NIM1K: variants seen among roughly 807,000 people sequenced by gnomAD.
The protein encoded by NIM1K is serine/threonine-protein kinase NIM1.
NIM1K carries 35 observed loss-of-function variants against 37.1 expected under a neutral mutation model. The ratio of observed to expected loss-of-function variants is 0.94; its 90% CI spans 0.72 to 1.25. The LOEUF (loss-of-function observed/expected upper bound fraction) is 1.25, where lower values mean the gene tolerates loss of function less well. NIM1K is among the 50% of genes most tolerant of loss of function. The pLI is 0.00. For synonymous variants in NIM1K, 234 were observed against 206.6 expected (o/e 1.13, Z -1.14); for missense variants, 564 against 548.0 (o/e 1.03, Z -0.29).
At chr5:43,277,425 G>C (rs771111071) in intron 3 of NIM1K, 100 bp downstream of exon 3, 31 of 1,291,182 alleles carry the variant, frequency 2.4e-5, no homozygotes, top group Non-Finnish European at 3.0e-5. Context: ...GAGGGCTTTT[G>C]TCCTACAAAG....
chr5:43,193,831 C>T (rs139456147), intron 1 of NIM1K, among the ~76,000 whole-genome samples: 4 of 152,242 alleles, frequency 2.6e-5, no homozygotes, highest in Admixed American at 1.3e-4. Context: ...AGAAGTCGCC[C>T]TGCTCTATTG....
At chr5:43,196,816 AG>A (rs1751923472) in intron 1 of NIM1K, among the ~76,000 whole-genome samples, 1 of 151,964 alleles carries the variant, frequency 6.6e-6, no homozygotes, top group South Asian at 2.1e-4. Flanking sequence ...ACTGTTGCCC[AG>A]GGTAGAGTAC....
chr5:43,232,153 C>T (rs1752548721), intron 1 of NIM1K: 1 of 995,978 alleles, frequency 1.0e-6, no homozygotes, highest in Non-Finnish European at 1.6e-6. Flanking sequence ...TTAGATGATA[C>T]ACTTGGTCTT....
chr5:43,197,150 A>G (rs1751930221), intron 1 of NIM1K, among the ~76,000 whole-genome samples: 5 of 151,500 alleles, frequency 3.3e-5, no homozygotes, highest in Admixed American at 3.3e-4. Flanking sequence ...TGTTTTATTT[A>G]GAGGCAGGAT....
At chr5:43,202,085 T>C (rs989594441) in intron 1 of NIM1K, among the ~76,000 whole-genome samples, 4 of 152,214 alleles carry the variant, frequency 2.6e-5, no homozygotes, top group Non-Finnish European at 4.4e-5. Flanking sequence ...GAGAAAATAT[T>C]TGCAGCTTCC....
chr5:43,232,388 T>C, intron 1 of NIM1K: 2 of 1,409,210 alleles, frequency 1.4e-6, no homozygotes, highest in East Asian at 2.3e-5. Context: ...GATGGGGGGA[T>C]AGGCCACCAG....
chr5:43,199,051 G>A (rs1751977674), intron 1 of NIM1K, among the ~76,000 whole-genome samples: 1 of 151,352 alleles, frequency 6.6e-6, no homozygotes, highest in Admixed American at 6.6e-5. Context: ...AGCTGGGCAT[G>A]GTGGCACGTG....
chr5:43,226,684 A>G (rs1752461442), intron 1 of NIM1K, among the ~76,000 whole-genome samples: 1 of 152,238 alleles, frequency 6.6e-6, no homozygotes, highest in Non-Finnish European at 1.5e-5. Context: ...TGTCAAGTAT[A>G]ATGCACTCAG....
chr5:43,221,623 T>C (rs900656518), intron 1 of NIM1K, among the ~76,000 whole-genome samples: 1 of 152,094 alleles, frequency 6.6e-6, no homozygotes, highest in Non-Finnish European at 1.5e-5. Flanking sequence ...AGAAGATTTA[T>C]GAATAGAAAA....
intron 3 of NIM1K, among the ~76,000 whole-genome samples, chr5:43,279,126 A>G (rs1215193822): frequency 6.6e-6 from 1 of 152,236 alleles, no homozygotes; most frequent in Non-Finnish European, 1.5e-5. Context: ...AGTGTGTTTC[A>G]TAGCCATAGA....
At chr5:43,199,689 T>C (rs1351482665) in intron 1 of NIM1K, among the ~76,000 whole-genome samples, 2 of 152,126 alleles carry the variant, frequency 1.3e-5, no homozygotes, top group Non-Finnish European at 2.9e-5. Flanking sequence ...TCCCTATCTT[T>C]GAGGGAGAAA....
At chr5:43,224,222 C>A (rs2112234244) in intron 1 of NIM1K, among the ~76,000 whole-genome samples, 1 of 152,102 alleles carries the variant, frequency 6.6e-6, no homozygotes, top group Non-Finnish European at 1.5e-5. Flanking sequence ...TCACTGAATA[C>A]AAGAACCTAT....
At chr5:43,221,411 A>G (rs1752378895) in intron 1 of NIM1K, among the ~76,000 whole-genome samples, 1 of 146,838 alleles carries the variant, frequency 6.8e-6, no homozygotes, top group African/African-American at 2.5e-5. Flanking sequence ...AGACTGCGCC[A>G]CTGCACTCCA....
At chr5:43,265,794 A>G (rs1163051828) in intron 2 of NIM1K, among the ~76,000 whole-genome samples, 1 of 152,142 alleles carries the variant, frequency 6.6e-6, no homozygotes, top group Non-Finnish European at 1.5e-5. Context: ...TGACCTACAG[A>G]TGGGATTTTG....
chr5:43,265,497 T>C (rs191233944), intron 2 of NIM1K, among the ~76,000 whole-genome samples: 3 of 152,224 alleles, frequency 2.0e-5, no homozygotes, highest in African/African-American at 7.2e-5. Flanking sequence ...TCTATGCTTT[T>C]TATTCTAGTT....
At chr5:43,251,201 T>G (rs1331980051) in intron 2 of NIM1K, among the ~76,000 whole-genome samples, 1 of 152,144 alleles carries the variant, frequency 6.6e-6, no homozygotes, top group Non-Finnish European at 1.5e-5. Context: ...AAGGTGATGG[T>G]AAAAATAAGT....
chr5:43,244,409 C>G (rs1184755586), intron 1 of NIM1K, among the ~76,000 whole-genome samples: 3 of 152,204 alleles, frequency 2.0e-5, no homozygotes, highest in African/African-American at 7.2e-5. Context: ...TGTGGGAATT[C>G]AGAGAGGAAG....
chr5:43,226,426 T>A (rs1752458201), intron 1 of NIM1K, among the ~76,000 whole-genome samples: 1 of 152,148 alleles, frequency 6.6e-6, no homozygotes. Context: ...GTAGAGCCAA[T>A]GGGATTTGCT....
At chr5:43,277,004 T>A in intron 2 of NIM1K, 53 bp from the exon 3 acceptor site, 1 of 1,585,078 alleles carries the variant, frequency 6.3e-7, no homozygotes, top group Non-Finnish European at 8.6e-7. Context: ...CCTCTCCAGT[T>A]CTAACTATGC....
Sources: allele counts gnomAD v4.1 joint callset (sites outside exome capture counted in the v4.1 genomes callset), GRCh38; gene constraint gnomAD v4.1.1; transcripts MANE v1.5; gene names NCBI Gene and HGNC (gene_info 2026-07-23, HGNC 2026-07-21).